The following SUGCT variants were observed in gnomAD, a reference collection of about 807,000 sequenced individuals.
The protein encoded by SUGCT is succinyl-CoA:glutarate-CoA transferase, also known as succinyl-CoA:glutarate CoA-transferase.
SUGCT carries 41 observed loss-of-function variants against 55.0 expected under a neutral mutation model. The ratio of observed to expected loss-of-function variants is 0.74; its 90% CI spans 0.58 to 0.97. The LOEUF is 0.97. Ranked by LOEUF, SUGCT falls within the 50% of genes least tolerant of loss-of-function variation. The probability of loss-of-function intolerance (pLI) is 0.00; values close to 1 mark genes in which losing one functional copy is unlikely to be tolerated. For synonymous variants in SUGCT, 187 were observed against 200.4 expected, an observed-to-expected ratio of 0.93 and a Z score of 0.56; for missense variants, 568 against 547.8, an observed-to-expected ratio of 1.04 and a Z score of -0.37.
intron 1 of SUGCT, among the ~76,000 whole-genome samples, chr7:40,137,250 C>T (rs1427076313): frequency 6.6e-6 from 1 of 152,242 alleles, no homozygotes; most frequent in South Asian, 2.1e-4. Flanking sequence ...ACGTCAGTCT[C>T]CCAAGTAGCT....
chr7:40,979,679 C>T, the SUGCT span: 1 of 152,182 alleles, frequency 6.6e-6, no homozygotes, highest in East Asian at 1.9e-4. Context: ...AAATTTCTGT[C>T]CCACTACTCA....
At chr7:40,693,559 C>A (rs1390338667) in intron 12 of SUGCT, among the ~76,000 whole-genome samples, 1 of 152,134 alleles carries the variant, frequency 6.6e-6, no homozygotes, top group Non-Finnish European at 1.5e-5. Flanking sequence ...TGAACCCAGG[C>A]TTTTAGGCTT....
chr7:40,527,577 T>A (rs1025691016), intron 12 of SUGCT, among the ~76,000 whole-genome samples: 1 of 152,228 alleles, frequency 6.6e-6, no homozygotes, highest in Non-Finnish European at 1.5e-5. Context: ...CATTTCACAA[T>A]GTAGGAAATT....
At chr7:40,200,081 G>A (rs1786506335) in intron 6 of SUGCT, among the ~76,000 whole-genome samples, 1 of 152,016 alleles carries the variant, frequency 6.6e-6, no homozygotes, top group Non-Finnish European at 1.5e-5. Context: ...ATGAGTATTC[G>A]TCATTCTGTA....
chr7:40,998,350 C>T, the SUGCT span, among the ~76,000 whole-genome samples: 16 of 150,454 alleles, frequency 1.1e-4, no homozygotes, highest in African/African-American at 2.7e-4. Flanking sequence ...CCAGCTTGGG[C>T]GACAGAGTAA....
At chr7:40,274,776 T>C in intron 8 of SUGCT, 120 bp downstream of exon 8, 1 of 895,266 alleles carries the variant, frequency 1.1e-6, no homozygotes, top group African/African-American at 1.7e-5. Flanking sequence ...ACAACAACAC[T>C]GAAAACTGTT....
chr7:40,627,481 G>T (rs1231631215), intron 12 of SUGCT, among the ~76,000 whole-genome samples: 1 of 152,186 alleles, frequency 6.6e-6, no homozygotes, highest in Non-Finnish European at 1.5e-5. Context: ...CTGATTGGTT[G>T]TGGAAAGCAA....
At chr7:40,819,950 G>A (rs1791891350) in intron 13 of SUGCT, among the ~76,000 whole-genome samples, 2 of 152,152 alleles carry the variant, frequency 1.3e-5, no homozygotes, top group Admixed American at 6.5e-5. Flanking sequence ...GTGTAAGGAA[G>A]GGATCCAGTT....
chr7:40,250,426 T>C (rs1377036672), intron 7 of SUGCT, among the ~76,000 whole-genome samples: 1 of 151,478 alleles, frequency 6.6e-6, no homozygotes, highest in African/African-American at 2.4e-5. Context: ...ATTATTCTTA[T>C]ATATAATACA....
chr7:40,807,445 G>T (rs942048454), intron 13 of SUGCT, among the ~76,000 whole-genome samples: 2 of 152,192 alleles, frequency 1.3e-5, no homozygotes, highest in South Asian at 4.1e-4. Context: ...CGTAGAGTCT[G>T]GAGGCAATTA....
chr7:40,394,904 T>C (rs915080872), intron 9 of SUGCT, among the ~76,000 whole-genome samples: 2 of 152,266 alleles, frequency 1.3e-5, no homozygotes, highest in African/African-American at 2.4e-5. Flanking sequence ...CCATTGTTTA[T>C]ACATACAACA....
chr7:40,699,553 T>A (rs192978596), intron 12 of SUGCT, among the ~76,000 whole-genome samples: 69 of 152,234 alleles, frequency 4.5e-4, no homozygotes, highest in Admixed American at 1.5e-3. Context: ...GCTAATGAAT[T>A]TGAAATATAT....
intron 1 of SUGCT, among the ~76,000 whole-genome samples, chr7:40,158,066 G>T (rs1178162348): frequency 6.6e-6 from 1 of 152,036 alleles, no homozygotes. Context: ...AATTAGCCAG[G>T]TATGGTTGTG....
chr7:40,463,355 AT>A (rs1789922816), intron 11 of SUGCT, among the ~76,000 whole-genome samples: 1 of 152,160 alleles, frequency 6.6e-6, no homozygotes, highest in Admixed American at 6.5e-5. Flanking sequence ...GCATTTATGG[AT>A]TTTTACAAAG....
chr7:40,626,752 G>A (rs1217917249), intron 12 of SUGCT, among the ~76,000 whole-genome samples: 1 of 152,106 alleles, frequency 6.6e-6, no homozygotes, highest in African/African-American at 2.4e-5. Context: ...CTTATTGTGT[G>A]TCCTATGCCA....
chr7:40,516,378 A>G (rs932871319), intron 12 of SUGCT, among the ~76,000 whole-genome samples: 9 of 152,142 alleles, frequency 5.9e-5, no homozygotes, highest in African/African-American at 2.2e-4. Flanking sequence ...AAACATTATT[A>G]CTTGTGCTTT....
chr7:40,585,316 A>G (rs1797318117), intron 12 of SUGCT, among the ~76,000 whole-genome samples: 2 of 152,178 alleles, frequency 1.3e-5, no homozygotes, highest in East Asian at 1.9e-4. Context: ...TTTTTAAGGT[A>G]TATTCTGAAA....
chr7:40,781,930 C>T (rs575057697), intron 13 of SUGCT, among the ~76,000 whole-genome samples: 4 of 152,018 alleles, frequency 2.6e-5, no homozygotes, highest in South Asian at 2.1e-4. Context: ...TAGTATGAGA[C>T]GTAAGCCTCC....
intron 13 of SUGCT, among the ~76,000 whole-genome samples, chr7:40,859,829 C>G (rs978845140): frequency 1.3e-5 from 2 of 152,226 alleles, no homozygotes; most frequent in East Asian, 3.9e-4. Flanking sequence ...GAACCAGGGT[C>G]TAGCTGAGGT....
Sources: gnomAD v4.1 joint callset for allele counts (sites outside exome capture counted in the v4.1 genomes callset) on GRCh38, gnomAD v4.1.1 for gene constraint, MANE v1.5 for transcripts, NCBI Gene and HGNC (gene_info 2026-07-23, HGNC 2026-07-21) for gene names.